Variants in LGR5 observed in about 807,000 individuals in gnomAD.
The protein encoded by LGR5 is leucine rich repeat containing G protein-coupled receptor 5.
LGR5 carries 54 observed loss-of-function variants against 76.7 expected under a neutral mutation model. The observed-to-expected ratio is 0.70, with a 90% CI of 0.57 to 0.88. The LOEUF (loss-of-function observed/expected upper bound fraction) is 0.88. LGR5 is among the 40% of genes least tolerant of loss of function. The probability of loss-of-function intolerance (pLI) is 0.00; values close to 1 mark genes in which losing one functional copy is unlikely to be tolerated. For missense variants in LGR5, 1,078 were observed against 1,073.3 expected, an observed-to-expected ratio of 1.00 and a Z score of -0.06; for synonymous variants, 406 against 421.9, an observed-to-expected ratio of 0.96 and a Z score of 0.46.
chr12:71,536,253 T>C (rs1178761554), intron 4 of LGR5, among the ~76,000 whole-genome samples: 1 of 152,216 alleles, frequency 6.6e-6, no homozygotes, highest in Non-Finnish European at 1.5e-5. Context: ...TAATTACATA[T>C]AGTTTGCTTA....
intron 8 of LGR5, among the ~76,000 whole-genome samples, chr12:71,562,154 G>T (rs1364006143): frequency 6.6e-6 from 1 of 152,090 alleles, no homozygotes; most frequent in Non-Finnish European, 1.5e-5. Context: ...GATTTTTAGA[G>T]CATTAATGTC....
intron 1 of LGR5, among the ~76,000 whole-genome samples, chr12:71,481,295 G>T (rs1873590700): frequency 6.6e-6 from 1 of 151,558 alleles, no homozygotes; most frequent in Admixed American, 6.6e-5. Flanking sequence ...CCCTCCCTGT[G>T]TCCATGTGTT....
chr12:71,556,806 A>C, intron 6 of LGR5, 116 bp downstream of exon 6: 1 of 747,510 alleles, frequency 1.3e-6, no homozygotes, highest in East Asian at 2.5e-5. Context: ...TAAGCTTTCA[A>C]CAGATATTTA....
intron 15 of LGR5, among the ~76,000 whole-genome samples, chr12:71,579,310 A>G (rs1046842790): frequency 9.2e-5 from 14 of 152,216 alleles, no homozygotes; most frequent in African/African-American, 3.4e-4. Flanking sequence ...CTAAATTAAT[A>G]TTTGTTTGAG....
At chr12:71,467,050 C>G (rs969573970) in intron 1 of LGR5, among the ~76,000 whole-genome samples, 3 of 151,766 alleles carry the variant, frequency 2.0e-5, no homozygotes, top group African/African-American at 4.8e-5. Flanking sequence ...TATAATCTGC[C>G]AGACTTCCCA....
At chr12:71,461,107 G>A (rs1872667836) in intron 1 of LGR5, among the ~76,000 whole-genome samples, 1 of 152,174 alleles carries the variant, frequency 6.6e-6, no homozygotes, top group Admixed American at 6.5e-5. Flanking sequence ...ACAGCAGCCA[G>A]AAACCACAGT....
At chr12:71,485,715 G>A (rs1485360756) in intron 1 of LGR5, among the ~76,000 whole-genome samples, 2 of 151,806 alleles carry the variant, frequency 1.3e-5, no homozygotes, top group Non-Finnish European at 2.9e-5. Context: ...GGGCAACAGA[G>A]CAAGACCCTG....
rs558621421 is a variant in LGR5 at position 71,445,892 on chromosome 12, C to T, written c.212+5600C>T. Reference sequence around the variant, plus strand: ...TAATGTTTAAGTCTGGAATTGGAGACGCTGAGATTTACTTGGAGAGTATGC... The same window carrying T: ...TAATGTTTAAGTCTGGAATTGGAGATGCTGAGATTTACTTGGAGAGTATGC... On this transcript the variant is annotated intron_variant, in intron 1 of 17. Coordinates refer to ENST00000266674, the MANE Select transcript of LGR5 (RefSeq NM_003667.4). 5.9e-5 allele frequency among the ~76,000 whole-genome samples: 9 copies of T among 152,230 alleles called. No homozygotes were observed. The South Asian group carries it at 1.0e-3, about 18-fold the overall frequency.
intron 13 of LGR5, among the ~76,000 whole-genome samples, chr12:71,575,250 T>C (rs1878798530): frequency 6.6e-6 from 1 of 152,180 alleles, no homozygotes; most frequent in African/African-American, 2.4e-5. Flanking sequence ...AAAAACCTCA[T>C]AACTATACCT....
At chr12:71,550,613 A>G (rs12582239) in intron 4 of LGR5, among the ~76,000 whole-genome samples, 2 of 151,836 alleles carry the variant, frequency 1.3e-5, no homozygotes, top group African/African-American at 4.8e-5. Context: ...GATGTGCATC[A>G]CCACACCCAG....
intron 1 of LGR5, among the ~76,000 whole-genome samples, chr12:71,454,391 C>CT (rs1205655123): frequency 6.6e-6 from 1 of 152,174 alleles, no homozygotes; most frequent in Non-Finnish European, 1.5e-5. Flanking sequence ...GAAGTAAACT[C>CT]TGTCAGCCCA....
chr12:71,474,268 A>G (rs895988918), intron 1 of LGR5, among the ~76,000 whole-genome samples: 5 of 152,250 alleles, frequency 3.3e-5, no homozygotes, highest in African/African-American at 1.2e-4. Flanking sequence ...AAAGCTATCT[A>G]TCACCATTTG....
chr12:71,512,415 G>C (rs1401133572), intron 2 of LGR5, among the ~76,000 whole-genome samples: 1 of 152,222 alleles, frequency 6.6e-6, no homozygotes, highest in African/African-American at 2.4e-5. Flanking sequence ...ATATTAAACA[G>C]AGAGAACTAC....
intron 1 of LGR5, among the ~76,000 whole-genome samples, chr12:71,498,238 CAA>C (rs1874424635): frequency 6.6e-6 from 1 of 152,130 alleles, no homozygotes; most frequent in African/African-American, 2.4e-5. Flanking sequence ...GAGCAAAACA[CAA>C]AGAGAGTTTG....
At chr12:71,448,345 C>A (rs1389558383) in intron 1 of LGR5, 1 of 152,106 alleles carries the variant, frequency 6.6e-6, no homozygotes, top group African/African-American at 2.4e-5. Context: ...AAGTAGAAAA[C>A]CACACATGAT....
chr12:71,500,046 T>C (rs1656070411), intron 1 of LGR5, among the ~76,000 whole-genome samples: 2 of 152,022 alleles, frequency 1.3e-5, no homozygotes, highest in Non-Finnish European at 2.9e-5. Flanking sequence ...AGGGGGCTTA[T>C]GGACATAGGG....
intron 7 of LGR5, 113 bp from the exon 8 acceptor site, chr12:71,561,668 T>C: frequency 2.0e-6 from 1 of 511,770 alleles, no homozygotes; most frequent in Non-Finnish European, 3.4e-6. Context: ...GAATTTAATA[T>C]TGTCCTCTGG....
chr12:71,502,500 G>A (rs1012702288), intron 1 of LGR5, among the ~76,000 whole-genome samples: 3 of 152,022 alleles, frequency 2.0e-5, no homozygotes, highest in African/African-American at 7.2e-5. Flanking sequence ...GCCCAGCCAG[G>A]TACTTTCCTT....
chr12:71,575,035 A>G (rs1878788136), intron 13 of LGR5, among the ~76,000 whole-genome samples: 1 of 152,210 alleles, frequency 6.6e-6, no homozygotes, highest in African/African-American at 2.4e-5. Context: ...TTCTGAGCAC[A>G]AGATCAGGGA....
Sources: allele counts gnomAD v4.1 joint callset (sites outside exome capture counted in the v4.1 genomes callset), GRCh38; gene constraint gnomAD v4.1.1; transcripts MANE v1.5; gene names NCBI Gene and HGNC (gene_info 2026-07-23, HGNC 2026-07-21).